Variants in COL24A1 observed in about 807,000 individuals in gnomAD.
COL24A1 encodes collagen type XXIV alpha 1 chain.
COL24A1 carries 224 observed loss-of-function variants against 253.9 expected under a neutral mutation model. The ratio of observed to expected loss-of-function variants is 0.88; its 90% CI spans 0.79 to 0.99. COL24A1 has a LOEUF of 0.99. Among genes scored for constraint, COL24A1 ranks in the 50% least tolerant of loss-of-function variants. COL24A1 has a pLI of 0.00. For synonymous variants in COL24A1, 685 were observed against 673.7 expected, an observed-to-expected ratio of 1.02 and a Z score of -0.26; for missense variants, 2,131 against 2,068.5, an observed-to-expected ratio of 1.03 and a Z score of -0.59.
intron 3 of COL24A1, among the ~76,000 whole-genome samples, chr1:86,118,595 G>T (rs541967646): frequency 2.0e-5 from 3 of 152,064 alleles, no homozygotes; most frequent in Non-Finnish European, 4.4e-5. Flanking sequence ...CCCTCCTGGA[G>T]TTTGCAGTCT....
intron 24 of COL24A1, among the ~76,000 whole-genome samples, chr1:85,914,288 C>T (rs1472805832): frequency 9.5e-5 from 13 of 137,510 alleles, no homozygotes; most frequent in Non-Finnish European, 1.4e-4. Context: ...AGTATTTCAT[C>T]GTTATTTTGT....
intron 47 of COL24A1, among the ~76,000 whole-genome samples, chr1:85,802,063 G>A (rs1021024780): frequency 5.9e-5 from 9 of 152,070 alleles, no homozygotes; most frequent in African/African-American, 1.9e-4. Flanking sequence ...AGTTCAAACC[G>A]TGAACACCTA....
intron 53 of COL24A1, among the ~76,000 whole-genome samples, chr1:85,765,703 TGCATGCC>T (rs1463717787): frequency 4.6e-5 from 7 of 152,084 alleles, no homozygotes; most frequent in Admixed American, 1.3e-4. Flanking sequence ...GCTGCACCAC[TGCATGCC>T]AGCCTGGGTG....
intron 53 of COL24A1, among the ~76,000 whole-genome samples, chr1:85,765,428 G>C (rs1019000673): frequency 6.6e-6 from 1 of 151,538 alleles, no homozygotes; most frequent in African/African-American, 2.4e-5. Flanking sequence ...TTTCAGGTCA[G>C]GTATAGTGAC....
intron 8 of COL24A1, among the ~76,000 whole-genome samples, chr1:86,063,000 C>T (rs192967248): frequency 2.0e-5 from 3 of 152,140 alleles, no homozygotes; most frequent in East Asian, 3.9e-4. Context: ...GTATCCATCA[C>T]CTTAGTCAGT....
chr1:85,730,784 T>C (rs1188544123), intron 59 of COL24A1, 92 bp from the exon 60 acceptor site: 18 of 1,338,720 alleles, frequency 1.3e-5, no homozygotes, highest in African/African-American at 1.4e-5. Context: ...GAACTTGTTT[T>C]AAGGATTAGA....
chr1:85,826,237 A>G (rs1392702548), intron 43 of COL24A1, among the ~76,000 whole-genome samples: 2 of 142,882 alleles, frequency 1.4e-5, no homozygotes, highest in African/African-American at 5.1e-5. Context: ...ATAGTTGTAG[A>G]TATGCGGCAT....
intron 52 of COL24A1, among the ~76,000 whole-genome samples, chr1:85,780,277 T>C (rs1039953877): frequency 6.6e-6 from 1 of 152,226 alleles, no homozygotes; most frequent in African/African-American, 2.4e-5. Flanking sequence ...TCTATTTTTA[T>C]ATTTTTTAAT....
At chr1:86,030,237 T>A (rs1698438117) in intron 14 of COL24A1, 1 of 152,316 alleles carries the variant, frequency 6.6e-6, no homozygotes, top group Middle Eastern at 3.4e-3. Flanking sequence ...AACATCCACA[T>A]AAAGCCTTAG....
intron 24 of COL24A1, among the ~76,000 whole-genome samples, chr1:85,927,432 C>T (rs568967240): frequency 3.9e-3 from 555 of 141,822 alleles, no homozygotes; most frequent in Middle Eastern, 7.1e-3. Flanking sequence ...GAGGGTCCTA[C>T]GCCCACGGAA....
At chr1:86,006,304 A>T (rs1403407071) in intron 19 of COL24A1, among the ~76,000 whole-genome samples, 3 of 152,188 alleles carry the variant, frequency 2.0e-5, no homozygotes, top group Non-Finnish European at 4.4e-5. Flanking sequence ...ATGAAGAAAA[A>T]AACAGATAAG....
intron 47 of COL24A1, among the ~76,000 whole-genome samples, chr1:85,815,008 C>T (rs1217453877): frequency 6.6e-6 from 1 of 152,118 alleles, no homozygotes; most frequent in East Asian, 1.9e-4. Context: ...TTTGCTACTA[C>T]TAGTACTTTT....
intron 8 of COL24A1, 125 bp from the exon 9 acceptor site, chr1:86,059,299 G>A (rs1196575894): frequency 3.7e-6 from 2 of 545,540 alleles, no homozygotes; most frequent in Non-Finnish European, 6.1e-6. Context: ...CATGGCTTAT[G>A]TAACTGAAAT....
At position 85,941,333 on chromosome 1, in the gene COL24A1, C is replaced by T. The variant is rs969798064; in HGVS notation, c.2562+19916G>A. On this transcript the variant is annotated intron_variant, in intron 24 of 59. Coordinates refer to ENST00000370571, the MANE Select transcript of COL24A1 (RefSeq NM_152890.7). ...GATGCCTCCCCCCACTGTCAATATT[C>T]CCTTCCCCTCAAATCACTCTAACTA... Among the ~76,000 whole-genome samples the T allele has an allele frequency of 2.0e-5, 3 of 152,136 alleles. No homozygotes were observed. In the East Asian group the frequency reaches 5.8e-4, roughly 29 times the overall value.
chr1:85,863,786 C>G (rs1171189352), intron 37 of COL24A1, among the ~76,000 whole-genome samples: 1 of 152,174 alleles, frequency 6.6e-6, no homozygotes, highest in African/African-American at 2.4e-5. Context: ...AGCCAACAGA[C>G]AGATGAAACA....
chr1:86,083,132 T>C (rs1159182481), intron 7 of COL24A1, among the ~76,000 whole-genome samples: 4 of 151,702 alleles, frequency 2.6e-5, no homozygotes, highest in Non-Finnish European at 4.4e-5. Flanking sequence ...CCCGTCTCTA[T>C]TAAAAATACA....
At chr1:85,836,930 T>C (rs1022757061) in intron 43 of COL24A1, among the ~76,000 whole-genome samples, 2 of 152,206 alleles carry the variant, frequency 1.3e-5, no homozygotes, top group African/African-American at 4.8e-5. Context: ...CTTGTCTCCT[T>C]TCAAGCGAAT....
At chr1:85,963,020 T>C (rs1343066485) in intron 23 of COL24A1, among the ~76,000 whole-genome samples, 1 of 152,126 alleles carries the variant, frequency 6.6e-6, no homozygotes, top group East Asian at 1.9e-4. Flanking sequence ...TGAAAGGATA[T>C]AATATTTGGA....
In COL24A1 at chr1:85,783,573, A is replaced by C. The variant is rs754392347; in HGVS notation, c.4222-15T>G. 6.2e-7 allele frequency: 1 copy of C among 1,609,980 alleles called. No individual in the cohort carries two copies. The highest frequency in any genetic ancestry group is 8.5e-7 in the Non-Finnish European group (1 of 1,177,014). On this transcript the variant is annotated splice_polypyrimidine_tract_variant and intron_variant, in intron 50 of 59. Coordinates refer to ENST00000370571, the MANE Select transcript of COL24A1 (RefSeq NM_152890.7). ...CCTTCAGGACCCTAGACATACAATA[A>C]GAAACAAAAAGATAAAATTTGTAGC...
Sources: allele counts gnomAD v4.1 joint callset (sites outside exome capture counted in the v4.1 genomes callset), GRCh38; gene constraint gnomAD v4.1.1; transcripts MANE v1.5; gene names NCBI Gene and HGNC (gene_info 2026-07-23, HGNC 2026-07-21).